The following CSF1R variants were observed in gnomAD, a reference collection of about 807,000 sequenced individuals.
CSF1R encodes the protein macrophage colony-stimulating factor 1 receptor.
In CSF1R, 40 loss-of-function variants were observed where a neutral mutation model predicts 110.0. The observed-to-expected ratio is 0.36, with a 90% CI of 0.28 to 0.47. CSF1R has a LOEUF of 0.47. Ranked by LOEUF, CSF1R falls within the 20% of genes least tolerant of loss-of-function variation. CSF1R has a pLI of 0.99. For synonymous variants in CSF1R, 523 were observed against 503.4 expected, an observed-to-expected ratio of 1.04 and a Z score of -0.52; for missense variants, 1,052 against 1,253.0, an observed-to-expected ratio of 0.84 and a Z score of 2.42.
chr5:150,061,466 T>TCCCTCCTCCCCCCCC, intron 12 of CSF1R, 25 bp downstream of exon 12: 1 of 495,774 alleles, frequency 2.0e-6, no homozygotes, highest in Non-Finnish European at 3.5e-6. Context: ...CCCCATCCCT[T>TCCCTCCTCCCCCCCC]CCCTCATCCC....
At chr5:150,061,438 CCCCCAGCATCTACCA>C in intron 12 of CSF1R, 38 bp downstream of exon 12, 1 of 839,236 alleles carries the variant, frequency 1.2e-6, no homozygotes, top group Admixed American at 2.9e-5. Context: ...GGCCAGCCCA[CCCCCAGCATCTACCA>C]CCCCCCATCC....
intron 16 of CSF1R, 86 bp downstream of exon 16, chr5:150,057,201 C>T (rs1305512248): frequency 2.3e-5 from 27 of 1,175,516 alleles, no homozygotes; most frequent in Admixed American, 1.2e-4. Flanking sequence ...CACAGGCTCC[C>T]GTTTCCTCCT....
In CSF1R at chr5:150,059,668, T is replaced by G. The variant is rs193270924; in HGVS notation, c.2132+32A>C. 3.2e-5 allele frequency: 52 copies of G among 1,608,390 alleles called. No homozygotes were observed. The African/African-American group carries it at 5.1e-4, about 16-fold the overall frequency. ...AGACTCGGATCCTGCCTCCCAGACC[T>G]GGCCTTTTTCTTGTCCTTTGCCAGG... On this transcript the variant is annotated intron_variant, in intron 14 of 20. Transcript: ENST00000675795.
chr5:150,060,856 C>T lies in CSF1R; in HGVS notation c.1969+6G>A. On this transcript the variant is annotated splice_donor_region_variant and intron_variant, in intron 13 of 20. Transcript: ENST00000675795. ...ACCTTGGCCCCAGGAACCCCAAGGC[C>T]CTTACCTCCATGGGTACAGGCTCCC... The T allele has an allele frequency of 6.3e-7, 1 of 1,596,666 alleles. No homozygotes were observed. Among genetic ancestry groups the T allele is most frequent in the Non-Finnish European group, 8.6e-7 (1 of 1,169,484 alleles).
chr5:150,071,674 G>C (rs1160672932), intron 6 of CSF1R, among the ~76,000 whole-genome samples: 1 of 152,106 alleles, frequency 6.6e-6, no homozygotes, highest in Non-Finnish European at 1.5e-5. Flanking sequence ...GTGCTGAATG[G>C]GCCCAGACTA....
In CSF1R at chr5:150,054,055, C is replaced by T; in HGVS notation, c.*14G>A. ...TTGTGGGAGGGGAGAGTGGTACTCC[C>T]TGTCGTCAACTCCTCAGCAGAACTG... On this transcript the variant is annotated 3_prime_UTR_variant, in exon 21 of 21. Coordinates refer to ENST00000675795, the MANE Select transcript of CSF1R (RefSeq NM_001288705.3). The T allele has an allele frequency of 6.2e-7, 1 of 1,613,736 alleles. No individual in the cohort carries two copies.
intron 1 of CSF1R, among the ~76,000 whole-genome samples, chr5:150,092,186 C>G (rs1265941633): frequency 2.0e-5 from 3 of 152,216 alleles, no homozygotes; most frequent in Non-Finnish European, 2.9e-5. Flanking sequence ...ATGTTCCAAT[C>G]ATACCTTATT....
Position 150,074,374 on chromosome 5 carries a change from C to T in CSF1R, c.890-881G>A, listed in dbSNP as rs575189655. On this transcript the variant is annotated intron_variant, in intron 5 of 20. Coordinates refer to ENST00000675795, the MANE Select transcript of CSF1R (RefSeq NM_001288705.3). ...CCAGGCTGGAGTGCAGTGGCACAGT[C>T]TCTGCTCACTGCAACCTCCGCCTCC... Among the ~76,000 whole-genome samples, 486 of 143,714 alleles carry T rather than the reference C, an allele frequency of 3.4e-3. 4 individuals carry two copies. The highest frequency in any genetic ancestry group is 0.012 in the African/African-American group (468 of 38,456). 94.3% of individuals were successfully genotyped at this position (143,714 alleles called of 152,430 possible). A position where few individuals can be genotyped will look rare whatever the true frequency, so the allele number is the denominator to read the frequency against.
chr5:150,059,281 T>A (rs977625370), intron 14 of CSF1R, among the ~76,000 whole-genome samples: 6 of 152,034 alleles, frequency 3.9e-5, no homozygotes, highest in African/African-American at 1.4e-4. Flanking sequence ...CATCCTCAGG[T>A]GATCTGCCCG....
At chr5:150,070,111 G>A in intron 8 of CSF1R, 48 bp from the exon 9 acceptor site, 2 of 1,609,156 alleles carry the variant, frequency 1.2e-6, no homozygotes, top group Non-Finnish European at 1.7e-6. Flanking sequence ...CCCAGCGCCA[G>A]CATGTCCCTC....
intron 1 of CSF1R, among the ~76,000 whole-genome samples, chr5:150,104,374 C>G (rs1048639970): frequency 1.3e-5 from 2 of 152,262 alleles, no homozygotes; most frequent in African/African-American, 4.8e-5. Context: ...CCTGTCATTT[C>G]TATCCATCCA....
Position 150,060,849 on chromosome 5 carries a change from C to T in CSF1R, c.1969+13G>A. ...CCCCAAGACCTTGGCCCCAGGAACCCCAAGGCCCTTACCTCCATGGGTACA... is the reference window on the plus strand; with the variant it reads ...CCCCAAGACCTTGGCCCCAGGAACCTCAAGGCCCTTACCTCCATGGGTACA... On this transcript the variant is annotated intron_variant, in intron 13 of 20. Transcript: ENST00000675795. 6.3e-7 allele frequency: 1 copy of T among 1,586,686 alleles called. No individual in the cohort carries two copies. The highest frequency in any genetic ancestry group is 1.7e-5 in the Admixed American group (1 of 57,374).
chr5:150,068,015 TA>T (rs1757850783), intron 10 of CSF1R, among the ~76,000 whole-genome samples, 199 bp downstream of exon 10: 1 of 152,132 alleles, frequency 6.6e-6, no homozygotes, highest in Non-Finnish European at 1.5e-5. Flanking sequence ...TCTCTCGCAC[TA>T]GACAGTAAAC....
chr5:150,054,138 G>A lies in CSF1R; in HGVS notation c.2850C>T (p.His950=). ...TATCCCCTTGCTCGCAGCAGGTCAG[G>A]TGCTCACTAGAGCTCTCCTCCTCCA... is the stretch of plus-strand genomic sequence containing the variant. The part of the protein sequence containing the change: ...SELEEESSSE[H]LTCCEQGDIA... Residue 950 remains histidine (H), a synonymous_variant, in exon 21 of 21, where the codon CAC becomes CAT. Transcript: ENST00000675795. 6.2e-7 allele frequency: 1 copy of A among 1,613,904 alleles called. No individual in the cohort carries two copies. The highest frequency in any genetic ancestry group is 1.1e-5 in the South Asian group (1 of 91,006).
At chr5:150,091,454 T>C (rs73275687), upstream of CSF1R, among the ~76,000 whole-genome samples, 3,587 of 152,336 alleles carry the variant, frequency 0.024, 153 homozygotes, top group African/African-American at 0.083. Context: ...GAAATACTGG[T>C]ACCTGCTACA....
intron 1 of CSF1R, among the ~76,000 whole-genome samples, chr5:150,100,151 C>T (rs1759357062): frequency 6.6e-6 from 1 of 151,744 alleles, no homozygotes; most frequent in Admixed American, 6.6e-5. Flanking sequence ...TCGAGTCCAG[C>T]CTGGACAACA....
intron 1 of CSF1R, among the ~76,000 whole-genome samples, chr5:150,084,394 G>GAAAGAAAGAAT (rs1561945918): frequency 4.4e-5 from 1 of 22,976 alleles, no homozygotes; most frequent in Non-Finnish European, 8.1e-5. Flanking sequence ...AAAGAAAGAA[G>GAAAGAAAGAAT]GAAGGAAGGA....
chr5:150,068,324 T>G lies in CSF1R; in HGVS notation c.1517A>C (p.His506Pro), dbSNP rs142543645. 313 of 1,612,014 alleles carry G rather than the reference T, an allele frequency of 1.9e-4. No homozygotes were observed. Among genetic ancestry groups the G allele is most frequent in the Admixed American group, 2.8e-4 (17 of 59,954 alleles). Residue 506 changes from histidine to proline, a missense_variant, in exon 10 of 21, where the codon CAC becomes CCC. Physicochemically the swap from His to Pro is moderately conservative, Grantham distance 77. Transcript: ENST00000675795. ...WAFIPISAGA[H>P]THPPDEFLFT... ...GAGGAACTCATCCGGGGGATGCGTG[T>G]GGGCTCCTGGAAGGCATGAAGCAAA...
At chr5:150,071,093 T>A (rs755602815) in intron 6 of CSF1R, among the ~76,000 whole-genome samples, 13 of 152,182 alleles carry the variant, frequency 8.5e-5, no homozygotes, top group Non-Finnish European at 1.5e-4. Flanking sequence ...TCCTTTGCTG[T>A]GAGAGTGATA....
Sources: gnomAD v4.1 joint callset for allele counts (sites outside exome capture counted in the v4.1 genomes callset) on GRCh38, gnomAD v4.1.1 for gene constraint, MANE v1.5 for transcripts, NCBI Gene and HGNC (gene_info 2026-07-23, HGNC 2026-07-21) for gene names.